KIAA0825: variants seen among roughly 807,000 people sequenced by gnomAD.
KIAA0825 encodes uncharacterized protein KIAA0825.
Under a neutral mutation model 147.6 loss-of-function variants are expected in KIAA0825, and 119 were observed. The observed-to-expected ratio is 0.81, with a 90% CI of 0.69 to 0.94. KIAA0825 has a LOEUF of 0.94. Ranked by LOEUF, KIAA0825 falls within the 40% of genes least tolerant of loss-of-function variation. KIAA0825 has a pLI of 0.00. For missense variants in KIAA0825, 1,381 were observed against 1,472.7 expected, an observed-to-expected ratio of 0.94 and a Z score of 1.02; for synonymous variants, 470 against 518.1, an observed-to-expected ratio of 0.91 and a Z score of 1.26.
chr5:94,537,164 C>A (rs1235112942), intron 2 of KIAA0825, 37 bp from the exon 3 acceptor site: 1 of 1,559,644 alleles, frequency 6.4e-7, no homozygotes, highest in East Asian at 2.3e-5. Context: ...CATGTCAGTT[C>A]CCCCACAATG....
intron 20 of KIAA0825, among the ~76,000 whole-genome samples, chr5:94,220,500 T>C (rs1338493809): frequency 6.6e-6 from 1 of 152,344 alleles, no homozygotes; most frequent in East Asian, 1.9e-4. Context: ...TACTGCACTT[T>C]TATATGACTG....
intron 20 of KIAA0825, among the ~76,000 whole-genome samples, chr5:94,294,777 C>T (rs188726719): frequency 2.6e-4 from 40 of 152,280 alleles, no homozygotes; most frequent in East Asian, 1.9e-3. Flanking sequence ...GTAGGGTTTC[C>T]GCAGAGAGAT....
chr5:94,206,906 C>G (rs977557952), intron 20 of KIAA0825, among the ~76,000 whole-genome samples: 1 of 152,080 alleles, frequency 6.6e-6, no homozygotes, highest in Admixed American at 6.5e-5. Flanking sequence ...GAGGAACTCG[C>G]GGAAGATCAA....
intron 20 of KIAA0825, among the ~76,000 whole-genome samples, chr5:94,356,307 T>C (rs1784239878): frequency 6.6e-6 from 1 of 152,084 alleles, no homozygotes; most frequent in African/African-American, 2.4e-5. Context: ...ACTGAAATCA[T>C]CCTTAAAACA....
intron 14 of KIAA0825, among the ~76,000 whole-genome samples, chr5:94,433,585 C>CTT (rs1388582656): frequency 2.0e-5 from 3 of 152,170 alleles, no homozygotes; most frequent in Non-Finnish European, 1.5e-5. Flanking sequence ...TGAAAGCCAG[C>CTT]TGCCTGGGTC....
At chr5:94,586,664 A>G (rs1330801969) in intron 1 of KIAA0825, among the ~76,000 whole-genome samples, 1 of 152,236 alleles carries the variant, frequency 6.6e-6, no homozygotes, top group African/African-American at 2.4e-5. Flanking sequence ...TCAATAGAAA[A>G]AGAGGGAATC....
Position 94,455,586 on chromosome 5 carries a change from G to A in KIAA0825, c.2247-2517C>T, listed in dbSNP as rs375089727. Among the ~76,000 whole-genome samples the A allele has an allele frequency of 3.3e-5, 5 of 152,134 alleles. No homozygotes were observed. The East Asian group carries it at 5.8e-4, about 18-fold the overall frequency. Reference sequence around the variant, plus strand: ...AGGAGCCACAAGACAAGATAGAAAGGATGTTTAAAAGGCCATTAGTAGGAG... The same window carrying A: ...AGGAGCCACAAGACAAGATAGAAAGAATGTTTAAAAGGCCATTAGTAGGAG... On this transcript the variant is annotated intron_variant, in intron 12 of 20. Transcript: ENST00000682413.
chr5:94,226,853 T>G (rs1774213917), intron 20 of KIAA0825, among the ~76,000 whole-genome samples: 1 of 151,944 alleles, frequency 6.6e-6, no homozygotes, highest in Non-Finnish European at 1.5e-5. Flanking sequence ...TGAGATACCA[T>G]CTCACGCCAG....
chr5:94,477,459 C>T (rs1762020956), intron 6 of KIAA0825, among the ~76,000 whole-genome samples: 1 of 151,888 alleles, frequency 6.6e-6, no homozygotes, highest in South Asian at 2.1e-4. Context: ...ATGAAATCTA[C>T]ATCCCAATTA....
intron 3 of KIAA0825, among the ~76,000 whole-genome samples, chr5:94,534,071 T>A (rs572302382): frequency 9.5e-4 from 145 of 152,320 alleles, no homozygotes; most frequent in African/African-American, 3.3e-3. Context: ...AATATCATAT[T>A]TTAAAATGAA....
At chr5:94,502,014 A>T (rs1389116599) in intron 5 of KIAA0825, among the ~76,000 whole-genome samples, 2 of 152,192 alleles carry the variant, frequency 1.3e-5, no homozygotes, top group Admixed American at 1.3e-4. Context: ...GATCTGTGAT[A>T]TAAGTAAAAA....
chr5:94,416,337 G>A (rs1369464650), intron 15 of KIAA0825: 1 of 152,140 alleles, frequency 6.6e-6, no homozygotes, highest in Non-Finnish European at 1.5e-5. Context: ...AAAAGTCTGG[G>A]AGGAGTGAAA....
intron 20 of KIAA0825, among the ~76,000 whole-genome samples, chr5:94,240,315 T>C (rs1775283397): frequency 6.6e-6 from 1 of 152,220 alleles, no homozygotes; most frequent in African/African-American, 2.4e-5. Flanking sequence ...TCAACAAAAC[T>C]GCTTACAACA....
intron 20 of KIAA0825, among the ~76,000 whole-genome samples, chr5:94,354,787 T>C (rs986808600): frequency 6.6e-6 from 1 of 152,190 alleles, no homozygotes; most frequent in African/African-American, 2.4e-5. Flanking sequence ...TGTCTTACAG[T>C]GTATAAAAAT....
intron 20 of KIAA0825, among the ~76,000 whole-genome samples, chr5:94,173,750 G>A (rs1768847578): frequency 6.6e-6 from 1 of 152,126 alleles, no homozygotes; most frequent in Admixed American, 6.6e-5. Context: ...TGGGTGGGTA[G>A]GTGTACTGCT....
intron 1 of KIAA0825, among the ~76,000 whole-genome samples, chr5:94,616,360 G>T (rs1029519694): frequency 6.6e-6 from 1 of 152,022 alleles, no homozygotes; most frequent in Non-Finnish European, 1.5e-5. Context: ...TATAGAATTG[G>T]GTATTGGGAT....
At chr5:94,420,948 C>T (rs1190631107) in intron 14 of KIAA0825, among the ~76,000 whole-genome samples, 1 of 152,046 alleles carries the variant, frequency 6.6e-6, no homozygotes, top group East Asian at 1.9e-4. Flanking sequence ...TTCTCTAAGC[C>T]TCATCCTCCT....
intron 12 of KIAA0825, among the ~76,000 whole-genome samples, chr5:94,453,587 T>G (rs1483459134): frequency 6.6e-6 from 1 of 152,074 alleles, no homozygotes; most frequent in Non-Finnish European, 1.5e-5. Context: ...AGGGGCCAGG[T>G]GGGCAAGTCA....
At chr5:94,189,866 T>C (rs998058077) in intron 20 of KIAA0825, among the ~76,000 whole-genome samples, 1 of 152,184 alleles carries the variant, frequency 6.6e-6, no homozygotes, top group Non-Finnish European at 1.5e-5. Context: ...GGGAAGACTG[T>C]CATCTAAAAA....
Sources: gnomAD v4.1 joint callset for allele counts (sites outside exome capture counted in the v4.1 genomes callset) on GRCh38, gnomAD v4.1.1 for gene constraint, MANE v1.5 for transcripts, NCBI Gene and HGNC (gene_info 2026-07-23, HGNC 2026-07-21) for gene names.